GPSM2: variants seen among roughly 807,000 people sequenced by gnomAD.
GPSM2 encodes the protein G protein-signaling modulator 2.
In GPSM2, 58 loss-of-function variants were observed where a neutral mutation model predicts 78.4. The ratio of observed to expected loss-of-function variants is 0.74; its 90% CI spans 0.60 to 0.92. GPSM2 has a LOEUF of 0.92. GPSM2 is among the 40% of genes least tolerant of loss of function. The pLI is 0.00. For missense variants in GPSM2, 700 were observed against 815.5 expected (o/e 0.86, Z 1.73); for synonymous variants, 224 against 280.2 (o/e 0.80, Z 2.00).
intron 12 of GPSM2, among the ~76,000 whole-genome samples, chr1:108,920,766 G>A (rs1209314125): frequency 6.6e-6 from 1 of 152,114 alleles, no homozygotes; most frequent in African/African-American, 2.4e-5. Flanking sequence ...GAGCAGGACT[G>A]GAATTCAAGG....
At chr1:108,902,962 G>T (rs991792064) in intron 8 of GPSM2, among the ~76,000 whole-genome samples, 164 bp from the exon 9 acceptor site, 2 of 151,458 alleles carry the variant, frequency 1.3e-5, no homozygotes, top group Admixed American at 1.3e-4. Context: ...TTTTAATCTG[G>T]GTATTCTAGT....
chr1:108,925,469 A>C (rs1239590728), intron 14 of GPSM2, among the ~76,000 whole-genome samples: 1 of 145,056 alleles, frequency 6.9e-6, no homozygotes, highest in African/African-American at 2.5e-5. Flanking sequence ...GGTTAGATGG[A>C]GGAAGATGAG....
chr1:108,925,950 A>T (rs1651086495), intron 14 of GPSM2, among the ~76,000 whole-genome samples: 1 of 152,084 alleles, frequency 6.6e-6, no homozygotes, highest in African/African-American at 2.4e-5. Context: ...TGTAGGTGAG[A>T]GAGGGAAAGC....
At chr1:108,904,970 T>A (rs571226344) in intron 10 of GPSM2, among the ~76,000 whole-genome samples, 11 of 150,816 alleles carry the variant, frequency 7.3e-5, no homozygotes, top group Admixed American at 2.0e-4. Context: ...GCTTGAGAAA[T>A]TCTCAGTCTA....
At chr1:108,916,571 G>A (rs1480498840) in intron 11 of GPSM2, among the ~76,000 whole-genome samples, 1 of 152,090 alleles carries the variant, frequency 6.6e-6, no homozygotes, top group Non-Finnish European at 1.5e-5. Context: ...TTTTAAAAAG[G>A]CCATTTTTGT....
intron 2 of GPSM2, among the ~76,000 whole-genome samples, chr1:108,889,480 T>C (rs1197161449): frequency 6.6e-6 from 1 of 152,188 alleles, no homozygotes; most frequent in Non-Finnish European, 1.5e-5. Flanking sequence ...CTAGGGCAAA[T>C]ACTTAGGCTA....
chr1:108,918,510 A>G (rs548893005), intron 11 of GPSM2, 103 bp from the exon 12 acceptor site: 18 of 835,808 alleles, frequency 2.2e-5, no homozygotes, highest in African/African-American at 1.2e-4. Context: ...CTCTCCCCCA[A>G]TAGTAAATAA....
At chr1:108,885,213 T>A (rs1647440019) in intron 1 of GPSM2, 62 bp from the exon 2 acceptor site, 1 of 270,932 alleles carries the variant, frequency 3.7e-6, no homozygotes, top group South Asian at 5.6e-5. Context: ...CAGCTCAGGG[T>A]TACTGTAGGT....
chr1:108,915,726 T>G (rs561833818), intron 11 of GPSM2, among the ~76,000 whole-genome samples: 3 of 151,890 alleles, frequency 2.0e-5, no homozygotes, highest in South Asian at 4.2e-4. Context: ...CTCCTGGCCT[T>G]TCTTTATTTT....
chr1:108,932,959 C>T lies in GPSM2; in HGVS notation c.*3019C>T, dbSNP rs1652261990. 6.6e-6 allele frequency: 1 copy of T among 152,196 alleles called. No homozygotes were observed. The highest frequency in any genetic ancestry group is 6.5e-5 in the Admixed American group (1 of 15,280). 9.4% of individuals were successfully genotyped at this position (152,196 alleles called of 1,614,324 possible). On this transcript the variant is annotated 3_prime_UTR_variant, in exon 15 of 15. Transcript: ENST00000264126. ...TCACCCAGGCTGGAGTACAGTGGCT[C>T]GATCATAACTCACTGCCACCTCACG...
intron 10 of GPSM2, among the ~76,000 whole-genome samples, chr1:108,910,940 A>G (rs1485257104): frequency 2.0e-5 from 3 of 152,200 alleles, no homozygotes; most frequent in Admixed American, 6.5e-5. Flanking sequence ...AGTAAAGAGA[A>G]AATCACCCAA....
At chr1:108,887,338 G>C (rs1407049480) in intron 2 of GPSM2, among the ~76,000 whole-genome samples, 1 of 152,116 alleles carries the variant, frequency 6.6e-6, no homozygotes. Flanking sequence ...CAGGCAGGTG[G>C]GGGAGGTAGA....
intron 3 of GPSM2, 33 bp from the exon 4 acceptor site, chr1:108,897,459 G>T: frequency 5.1e-6 from 8 of 1,564,106 alleles, no homozygotes; most frequent in Non-Finnish European, 6.1e-6. Context: ...AATACCATTT[G>T]GTTTTTTGTT....
At chr1:108,920,523 A>C (rs1650623512) in intron 12 of GPSM2, among the ~76,000 whole-genome samples, 1 of 152,142 alleles carries the variant, frequency 6.6e-6, no homozygotes, top group Non-Finnish European at 1.5e-5. Context: ...CCTTTGCAAA[A>C]AAAAAGCCTT....
intron 2 of GPSM2, among the ~76,000 whole-genome samples, chr1:108,895,461 C>G (rs1396125383): frequency 6.6e-6 from 1 of 152,174 alleles, no homozygotes; most frequent in Non-Finnish European, 1.5e-5. Flanking sequence ...CAGACCAGTA[C>G]TGTTGTAGCC....
chr1:108,923,003 G>T (rs1557879511), intron 13 of GPSM2, among the ~76,000 whole-genome samples: 1 of 152,028 alleles, frequency 6.6e-6, no homozygotes, highest in Non-Finnish European at 1.5e-5. Flanking sequence ...TAGACCCTAT[G>T]TCTAAAAAAT....
At chr1:108,910,724 G>T (rs1649666730) in intron 10 of GPSM2, among the ~76,000 whole-genome samples, 3 of 152,004 alleles carry the variant, frequency 2.0e-5, no homozygotes, top group Admixed American at 6.6e-5. Flanking sequence ...TTAGCCAGGG[G>T]TGGTGGTGTG....
intron 13 of GPSM2, among the ~76,000 whole-genome samples, chr1:108,923,031 G>T (rs895471411): frequency 6.6e-6 from 1 of 152,042 alleles, no homozygotes; most frequent in Non-Finnish European, 1.5e-5. Flanking sequence ...AATAAAATCT[G>T]ATTTTATTAA....
chr1:108,921,176 T>C lies in GPSM2; in HGVS notation c.1441-1241T>C, dbSNP rs147077679. ...CAAAAATATCTGCTACCCCAGCACA[T>C]TGGGAGGCCAAAGCAGACAGGTCAC... On this transcript the variant is annotated intron_variant, in intron 12 of 14. Transcript: ENST00000264126. Among the ~76,000 whole-genome samples the C allele has an allele frequency of 3.9e-5, 6 of 152,264 alleles. No individual in the cohort carries two copies. The East Asian group carries it at 7.7e-4, about 20-fold the overall frequency.
Sources: allele counts gnomAD v4.1 joint callset (sites outside exome capture counted in the v4.1 genomes callset), GRCh38; gene constraint gnomAD v4.1.1; transcripts MANE v1.5; gene names NCBI Gene and HGNC (gene_info 2026-07-23, HGNC 2026-07-21).